Variants in SDK1 observed in about 807,000 individuals in gnomAD.
SDK1 encodes the protein sidekick cell adhesion molecule 1.
A neutral mutation model predicts 245.5 loss-of-function variants in SDK1; 157 were observed. The ratio of observed to expected loss-of-function variants is 0.64; its 90% CI spans 0.56 to 0.73. The LOEUF is 0.73. Among genes scored for constraint, SDK1 ranks in the 30% least tolerant of loss-of-function variants. SDK1 has a pLI of 0.00. For missense variants in SDK1, 3,583 were observed against 3,002.3 expected, an observed-to-expected ratio of 1.19 and a Z score of -4.52; for synonymous variants, 1,647 against 1,278.5, an observed-to-expected ratio of 1.29 and a Z score of -6.15.
intron 4 of SDK1, among the ~76,000 whole-genome samples, chr7:3,717,970 A>C (rs1157608056): frequency 3.3e-5 from 5 of 152,062 alleles, no homozygotes; most frequent in South Asian, 2.1e-4. Context: ...AAAAAAAAAA[A>C]AAACTGTAAA....
chr7:3,772,530 A>G (rs907122791), intron 4 of SDK1, among the ~76,000 whole-genome samples: 3 of 152,240 alleles, frequency 2.0e-5, no homozygotes, highest in Non-Finnish European at 2.9e-5. Context: ...AGTTACAATG[A>G]TACTAGCTTT....
At chr7:3,683,636 G>T (rs761346546) in intron 4 of SDK1, among the ~76,000 whole-genome samples, 12 of 152,318 alleles carry the variant, frequency 7.9e-5, no homozygotes, top group Admixed American at 6.5e-4. Context: ...CATTCCCTGC[G>T]CCTAACATGG....
chr7:4,152,146 C>T (rs1262909529), intron 30 of SDK1, among the ~76,000 whole-genome samples: 1 of 152,218 alleles, frequency 6.6e-6, no homozygotes, highest in Admixed American at 6.5e-5. Flanking sequence ...AGGTTTGCCT[C>T]ATTGCTGACC....
At chr7:4,231,911 A>C (rs1037549630) in intron 40 of SDK1, among the ~76,000 whole-genome samples, 1 of 152,192 alleles carries the variant, frequency 6.6e-6, no homozygotes, top group Non-Finnish European at 1.5e-5. Flanking sequence ...GCACGGGTAC[A>C]CACATATCCA....
At position 4,221,279 on chromosome 7, in the gene SDK1, C is replaced by T. The variant is rs369209400; in HGVS notation, c.5742C>T (p.Ser1914=). Residue 1914 remains serine (S), a synonymous_variant, in exon 40 of 45, where the codon TCC becomes TCT. Transcript: ENST00000404826. ...GSPRDVLVTK[S]ASELTLQWTE... The stretch of plus-strand genomic sequence containing the variant: ...CTAGAGATGTCCTGGTCACCAAGTC[C>T]GCCTCTGAACTGACGCTGCAGTGGA... 46 of 1,613,734 alleles carry T rather than the reference C, an allele frequency of 2.9e-5. No homozygotes were observed. Among genetic ancestry groups the T allele is most frequent in the East Asian group, 1.3e-4 (6 of 44,866 alleles).
chr7:3,651,306 T>C (rs2128655893), intron 4 of SDK1, among the ~76,000 whole-genome samples: 2 of 152,288 alleles, frequency 1.3e-5, no homozygotes, highest in Middle Eastern at 6.8e-3. Context: ...TCTTGTGTTT[T>C]TAAATTTTCA....
intron 4 of SDK1, among the ~76,000 whole-genome samples, chr7:3,796,244 A>C (rs1471532789): frequency 6.6e-6 from 1 of 152,252 alleles, no homozygotes; most frequent in Non-Finnish European, 1.5e-5. Flanking sequence ...TTTAAGTATA[A>C]GTGAAAGCTA....
intron 5 of SDK1, among the ~76,000 whole-genome samples, chr7:3,882,999 C>T (rs915884228): frequency 1.3e-5 from 2 of 152,114 alleles, no homozygotes; most frequent in African/African-American, 4.8e-5. Flanking sequence ...CTGGAAGGGC[C>T]GCCCAGATGT....
chr7:3,650,862 T>G (rs1471007870), intron 4 of SDK1, among the ~76,000 whole-genome samples: 1 of 151,844 alleles, frequency 6.6e-6, no homozygotes, highest in Non-Finnish European at 1.5e-5. Context: ...AATTCCCTGA[T>G]TCATCCAGGT....
Position 4,227,894 on chromosome 7 carries a change from T to C in SDK1, c.5828-5361T>C, listed in dbSNP as rs550972474. 3.4e-3 allele frequency among the ~76,000 whole-genome samples: 521 copies of C among 152,288 alleles called. 1 individual carries two copies. Among genetic ancestry groups the C allele is most frequent in the Non-Finnish European group, 3.7e-3 (255 of 68,026 alleles). ...CTCCTACCGCTTGGGCGGGGGGAGA[T>C]GCTGGCACCAGAAGCTAACAGCTGA... On this transcript the variant is annotated intron_variant, in intron 40 of 44. Transcript: ENST00000404826.
intron 1 of SDK1, among the ~76,000 whole-genome samples, chr7:3,361,356 G>T (rs945487318): frequency 1.3e-5 from 2 of 152,194 alleles, no homozygotes; most frequent in South Asian, 2.1e-4. Flanking sequence ...TAGGACCTCT[G>T]TGTTCCTTGT....
intron 1 of SDK1, among the ~76,000 whole-genome samples, chr7:3,348,876 A>G (rs1315782762): frequency 1.3e-5 from 2 of 152,228 alleles, no homozygotes; most frequent in Non-Finnish European, 2.9e-5. Context: ...AGGTTTATCT[A>G]TAGCAAGTTC....
intron 44 of SDK1, among the ~76,000 whole-genome samples, chr7:4,256,199 C>A (rs184724241): frequency 6.6e-6 from 1 of 152,196 alleles, no homozygotes; most frequent in South Asian, 2.1e-4. Flanking sequence ...GGATTACAGG[C>A]GTGAGCCACT....
chr7:4,009,974 G>C (rs971365590), intron 14 of SDK1, among the ~76,000 whole-genome samples: 2 of 152,212 alleles, frequency 1.3e-5, no homozygotes, highest in African/African-American at 4.8e-5. Context: ...ACACGCAGCT[G>C]GTACTGTCTG....
intron 1 of SDK1, among the ~76,000 whole-genome samples, chr7:3,530,877 A>C (rs772040683): frequency 9.9e-5 from 15 of 152,234 alleles, no homozygotes; most frequent in Admixed American, 2.0e-4. Context: ...GCATAAAAAC[A>C]TTGTCCACAA....
intron 1 of SDK1, among the ~76,000 whole-genome samples, chr7:3,305,139 G>A (rs1241489196): frequency 6.6e-6 from 1 of 152,134 alleles, no homozygotes; most frequent in Non-Finnish European, 1.5e-5. Flanking sequence ...GAGTACACTA[G>A]CTTTTCACTT....
intron 5 of SDK1, among the ~76,000 whole-genome samples, chr7:3,910,616 G>GC (rs1779130503): frequency 6.6e-6 from 1 of 152,132 alleles, no homozygotes; most frequent in Admixed American, 6.5e-5. Flanking sequence ...CCCCAGTCTT[G>GC]TTTTTTGCAT....
intron 14 of SDK1, among the ~76,000 whole-genome samples, chr7:3,994,039 T>C (rs1264847498): frequency 6.6e-6 from 1 of 152,162 alleles, no homozygotes; most frequent in Non-Finnish European, 1.5e-5. Context: ...TTTCTCTGAC[T>C]CATTGAAGGC....
chr7:3,444,505 T>G (rs996382201), intron 1 of SDK1, among the ~76,000 whole-genome samples: 1 of 152,240 alleles, frequency 6.6e-6, no homozygotes, highest in Non-Finnish European at 1.5e-5. Context: ...AGGAACTATT[T>G]TCTCCTTATT....
Sources: allele counts gnomAD v4.1 joint callset (sites outside exome capture counted in the v4.1 genomes callset), GRCh38; gene constraint gnomAD v4.1.1; transcripts MANE v1.5; gene names NCBI Gene and HGNC (gene_info 2026-07-23, HGNC 2026-07-21).